The following SAMD12 variants were observed in gnomAD, a reference collection of about 807,000 sequenced individuals.
SAMD12 encodes the protein sterile alpha motif domain containing 12, also known as sterile alpha motif domain-containing protein 12.
Under a neutral mutation model 15.0 loss-of-function variants are expected in SAMD12, and 9 were observed. The ratio of observed to expected loss-of-function variants is 0.60; its 90% confidence interval spans 0.36 to 1.05. The LOEUF (loss-of-function observed/expected upper bound fraction) is 1.05. Ranked by LOEUF, SAMD12 falls within the 50% of genes least tolerant of loss-of-function variation. The probability of loss-of-function intolerance (pLI) is 0.01; values close to 1 mark genes in which losing one functional copy is unlikely to be tolerated. For missense variants in SAMD12, 230 were observed against 234.2 expected (o/e 0.98, Z 0.12); for synonymous variants, 86 against 90.1 (o/e 0.96, Z 0.25).
At chr8:118,207,082 G>C (rs1349530382) in intron 4 of SAMD12, among the ~76,000 whole-genome samples, 1 of 152,238 alleles carries the variant, frequency 6.6e-6, no homozygotes, top group East Asian at 1.9e-4. Flanking sequence ...TCTCTAATGA[G>C]AATTGGTTTA....
chr8:118,407,824 T>A (rs1430199341), intron 3 of SAMD12, among the ~76,000 whole-genome samples: 1 of 152,160 alleles, frequency 6.6e-6, no homozygotes, highest in Non-Finnish European at 1.5e-5. Context: ...TTTCAGTTAG[T>A]CACTCACATT....
chr8:118,226,897 G>C (rs985890044), intron 4 of SAMD12, among the ~76,000 whole-genome samples: 1 of 152,136 alleles, frequency 6.6e-6, no homozygotes, highest in Non-Finnish European at 1.5e-5. Flanking sequence ...CAGTGAGAGG[G>C]TGTATAAGTA....
chr8:118,477,683 G>A (rs73315362), intron 2 of SAMD12, among the ~76,000 whole-genome samples: 3,364 of 152,134 alleles, frequency 0.022, 118 homozygotes, highest in African/African-American at 0.077. Flanking sequence ...TTATTCCCAC[G>A]TGGATTCTAC....
chr8:118,155,321 C>A, the SAMD12 span, among the ~76,000 whole-genome samples: 4 of 152,126 alleles, frequency 2.6e-5, no homozygotes, highest in Admixed American at 6.5e-5. Flanking sequence ...ACACACAGAC[C>A]AGATACATCA....
At chr8:118,264,777 T>C (rs1442173478) in intron 4 of SAMD12, among the ~76,000 whole-genome samples, 1 of 152,146 alleles carries the variant, frequency 6.6e-6, no homozygotes, top group Non-Finnish European at 1.5e-5. Flanking sequence ...ATTTTGTAGA[T>C]GTGACAGCAT....
At chr8:118,490,191 T>G (rs1440633415) in intron 2 of SAMD12, among the ~76,000 whole-genome samples, 1 of 152,178 alleles carries the variant, frequency 6.6e-6, no homozygotes, top group Non-Finnish European at 1.5e-5. Flanking sequence ...GTCACGTAAC[T>G]TTCCTATTTA....
intron 2 of SAMD12, among the ~76,000 whole-genome samples, chr8:118,532,547 G>C (rs145463963): frequency 6.6e-6 from 1 of 152,100 alleles, no homozygotes; most frequent in Non-Finnish European, 1.5e-5. Context: ...GGTAGAATTC[G>C]GCTGTGAATC....
downstream of SAMD12, among the ~76,000 whole-genome samples, chr8:118,377,324 G>A (rs577221950): frequency 7.9e-4 from 120 of 152,190 alleles, no homozygotes; most frequent in South Asian, 0.015. Flanking sequence ...CTTCAATCTC[G>A]GAGGTGGAGG....
chr8:118,412,460 C>T lies in SAMD12; in HGVS notation c.322+27372G>A, dbSNP rs142352966. 2.1e-3 allele frequency among the ~76,000 whole-genome samples: 315 copies of T among 152,240 alleles called. 3 individuals carry two copies. The highest frequency in any genetic ancestry group is 2.0e-3 in the Non-Finnish European group (135 of 68,010). The stretch of plus-strand genomic sequence containing the variant: ...AAATAGAAACAGTTCGTTGCTTGAG[C>T]AATGATTTGAAGACGTCTGAAAATT... On this transcript the variant is annotated intron_variant, in intron 3 of 3. Coordinates refer to ENST00000314727, the MANE Select transcript of SAMD12 (RefSeq NM_207506.3).
chr8:118,475,013 C>T (rs567220588), intron 2 of SAMD12, among the ~76,000 whole-genome samples: 8 of 152,108 alleles, frequency 5.3e-5, no homozygotes, highest in Admixed American at 2.0e-4. Context: ...CTGAGGTGGG[C>T]GGATCACTTG....
the SAMD12 span, among the ~76,000 whole-genome samples, chr8:118,162,434 A>G: frequency 1.3e-5 from 2 of 151,992 alleles, no homozygotes; most frequent in Middle Eastern, 6.8e-3. Flanking sequence ...GAGACTGTCA[A>G]GATTTCAACT....
the SAMD12 span, among the ~76,000 whole-genome samples, chr8:118,147,654 C>T: frequency 4.3e-4 from 65 of 152,214 alleles, no homozygotes; most frequent in Non-Finnish European, 8.1e-4. Flanking sequence ...GCCACCGTGC[C>T]CGGCCCCTAT....
intron 1 of SAMD12, among the ~76,000 whole-genome samples, chr8:118,589,399 A>C (rs1827524885): frequency 6.6e-6 from 1 of 152,224 alleles, no homozygotes; most frequent in African/African-American, 2.4e-5. Flanking sequence ...CTTTGTAAAA[A>C]CAGTTCGCTA....
chr8:118,620,399 C>CAAA (rs68126546), intron 1 of SAMD12, among the ~76,000 whole-genome samples: 6 of 66,378 alleles, frequency 9.0e-5, no homozygotes, highest in African/African-American at 2.7e-4. Context: ...CATAACGATG[C>CAAA]AAAAAAAAAA....
chr8:118,554,493 T>C (rs1274491389), intron 2 of SAMD12, among the ~76,000 whole-genome samples: 4 of 134,388 alleles, frequency 3.0e-5, no homozygotes, highest in Non-Finnish European at 4.6e-5. Context: ...TGAGAACACA[T>C]GGACACAGGA....
intron 2 of SAMD12, among the ~76,000 whole-genome samples, chr8:118,467,496 T>C (rs1001599138): frequency 6.6e-6 from 1 of 152,186 alleles, no homozygotes; most frequent in Non-Finnish European, 1.5e-5. Flanking sequence ...AGCCCTCTGA[T>C]CCAGATTCTG....
In SAMD12 at chr8:118,541,248, A is replaced by C. The variant is rs184501602; in HGVS notation, c.192+39467T>G. ...TTAAGCCACTGTCCAAAGTCATACA[A>C]GAATGAAAGAGAAGAGCAGAGATTT... On this transcript the variant is annotated intron_variant, in intron 2 of 3. Transcript: ENST00000314727. Among the ~76,000 whole-genome samples the C allele has an allele frequency of 1.4e-4, 21 of 152,344 alleles. No homozygotes were observed. In the East Asian group the frequency reaches 4.1e-3, roughly 29 times the overall value.
downstream of SAMD12, chr8:118,375,742 C>T (rs560089759): frequency 4.6e-5 from 7 of 152,150 alleles, no homozygotes; most frequent in Non-Finnish European, 7.4e-5. Context: ...TTAATATACT[C>T]ATACATTTCA....
intron 2 of SAMD12, among the ~76,000 whole-genome samples, chr8:118,445,998 T>A (rs935241966): frequency 2.6e-5 from 4 of 152,192 alleles, no homozygotes; most frequent in Non-Finnish European, 5.9e-5. Context: ...GAATGGATTA[T>A]CGAAGCCTAA....
Sources: allele counts gnomAD v4.1 joint callset (sites outside exome capture counted in the v4.1 genomes callset), GRCh38; gene constraint gnomAD v4.1.1; transcripts MANE v1.5; gene names NCBI Gene and HGNC (gene_info 2026-07-23, HGNC 2026-07-21).